ATP2B3: variants seen among roughly 807,000 people sequenced by gnomAD.
ATP2B3 encodes ATPase plasma membrane Ca2+ transporting 3.
ATP2B3 carries 12 observed loss-of-function variants against 70.8 expected under a neutral mutation model. The ratio of observed to expected loss-of-function variants is 0.17; its 90% CI spans 0.11 to 0.27. ATP2B3 has a LOEUF of 0.27. Among genes scored for constraint, ATP2B3 ranks in the 10% least tolerant of loss-of-function variants. The pLI is 1.00. For synonymous variants in ATP2B3, 460 were observed against 497.8 expected, an observed-to-expected ratio of 0.92 and a Z score of 1.01; for missense variants, 858 against 1,118.5, an observed-to-expected ratio of 0.77 and a Z score of 3.32.
chrX:153,534,110 G>A (rs1557002882), intron 2 of ATP2B3, among the ~76,000 whole-genome samples: 1 of 111,911 alleles, frequency 8.9e-6, no homozygotes, highest in African/African-American at 3.2e-5. Context: ...TGGTGGGATT[G>A]TTGAGGCATG....
chrX:153,549,394 C>T lies in ATP2B3; in HGVS notation c.1339-103C>T, dbSNP rs1230881282. On this transcript the variant is annotated intron_variant, in intron 10 of 21. Coordinates refer to ENST00000263519, the MANE Select transcript of ATP2B3 (RefSeq NM_001001344.3). ...AGTGGGCTTAGTGCCACACGTGGAG[C>T]TAGCTGAGCAGAACAGAGTCACGCG... is the stretch of plus-strand genomic sequence containing the variant. 5 of 1,171,641 alleles carry T rather than the reference C, an allele frequency of 4.3e-6. No homozygotes were observed. The East Asian group carries it at 1.5e-4, about 35-fold the overall frequency.
chrX:153,579,716 C>T (rs112553550), intron 21 of ATP2B3, among the ~76,000 whole-genome samples: 1,618 of 111,171 alleles, frequency 0.015, 30 homozygotes, highest in African/African-American at 0.051. Context: ...GATCGGTTGA[C>T]GAGACCAAGG....
chrX:153,565,395 G>A (rs1225087761), intron 21 of ATP2B3, among the ~76,000 whole-genome samples: 2 of 113,155 alleles, frequency 1.8e-5, no homozygotes, highest in African/African-American at 6.4e-5. Flanking sequence ...AGAGGCACAG[G>A]CCAGCACCGT....
intron 11 of ATP2B3, 22 bp downstream of exon 11, chrX:153,549,761 C>A (rs782584814): frequency 8.4e-7 from 1 of 1,193,131 alleles, no homozygotes; most frequent in Non-Finnish European, 1.1e-6. Context: ...CAGGAGCGGG[C>A]GGGCAGGGCC....
At chrX:153,564,299 G>A (rs1002040241) in intron 20 of ATP2B3, among the ~76,000 whole-genome samples, 8 of 112,905 alleles carry the variant, frequency 7.1e-5, no homozygotes, top group African/African-American at 2.6e-4. Flanking sequence ...GTCAACCAGG[G>A]CAGCTCACCC....
intron 15 of ATP2B3, 93 bp downstream of exon 15, chrX:153,556,511 G>A: frequency 6.4e-6 from 6 of 932,681 alleles, no homozygotes; most frequent in Non-Finnish European, 8.9e-6. Flanking sequence ...CAGGTCCCCA[G>A]GGCCTGCCTA....
At chrX:153,569,475 G>T (rs1234120523) in intron 21 of ATP2B3, 1 of 791,471 alleles carries the variant, frequency 1.3e-6, no homozygotes. Context: ...AGTGAGCGGG[G>T]TGACCCGATG....
Position 153,547,858 on chromosome X carries a change from G to T in ATP2B3, c.982G>T (p.Ala328Ser), listed in dbSNP as rs781995509. 3 of 1,208,829 alleles carry T rather than the reference G, an allele frequency of 2.5e-6. No individual in the cohort carries two copies. In the East Asian group the frequency reaches 8.9e-5, roughly 36 times the overall value. ...AGCTAAGAAGCAGGATGGTGCAGTG[G>T]CCATGGAGATGCAGCCCCTGAAGAG... ...TKAKKQDGAV[A>S]MEMQPLKSAE... Residue 328 changes from alanine to serine, a missense_variant, in exon 9 of 22, where the codon GCC becomes TCC. Physicochemically the swap from Ala to Ser is moderately conservative, Grantham distance 99. This residue lies in a region of ATP2B3 where 278 missense variants were observed against 366.2 expected (regional missense o/e 0.76). Transcript: ENST00000263519.
chrX:153,536,659 G>T (rs781846823), intron 3 of ATP2B3, among the ~76,000 whole-genome samples: 91 of 112,296 alleles, frequency 8.1e-4, no homozygotes, highest in African/African-American at 2.8e-3. Flanking sequence ...GGAGTTCTCC[G>T]CTCTATAGAG....
intron 16 of ATP2B3, among the ~76,000 whole-genome samples, chrX:153,557,791 G>A (rs782041145): frequency 3.5e-4 from 39 of 110,303 alleles, no homozygotes; most frequent in Admixed American, 6.7e-4. Context: ...AACAGACCAC[G>A]CTGCTTGGTG....
At chrX:153,566,028 C>T (rs1400121336) in intron 21 of ATP2B3, among the ~76,000 whole-genome samples, 1 of 112,359 alleles carries the variant, frequency 8.9e-6, no homozygotes, top group African/African-American at 3.2e-5. Flanking sequence ...AAATCCTGGC[C>T]GGGGAGGAAG....
At chrX:153,567,835 G>T (rs2090732671) in intron 21 of ATP2B3, among the ~76,000 whole-genome samples, 1 of 112,421 alleles carries the variant, frequency 8.9e-6, no homozygotes, top group African/African-American at 3.2e-5. Context: ...CTTTGACTTT[G>T]TCACATCCAA....
intron 15 of ATP2B3, among the ~76,000 whole-genome samples, 193 bp downstream of exon 15, chrX:153,556,611 T>C (rs1287970481): frequency 3.6e-5 from 4 of 111,797 alleles, no homozygotes; most frequent in South Asian, 3.8e-4. Context: ...AGTGACTCAC[T>C]CCAAGTCACA....
At chrX:153,547,778 T>C in intron 8 of ATP2B3, 57 bp from the exon 9 acceptor site, 1 of 1,112,551 alleles carries the variant, frequency 9.0e-7, no homozygotes, top group Non-Finnish European at 1.2e-6. Context: ...AAGCCCCTTA[T>C]AACGCCTTCT....
rs782820618 is a variant in ATP2B3 at position 153,580,367 on chromosome X, C to A, written c.*69C>A. On this transcript the variant is annotated 3_prime_UTR_variant, in exon 22 of 22. Coordinates refer to ENST00000263519, the MANE Select transcript of ATP2B3 (RefSeq NM_001001344.3). ...ACACGAAGTCACACGCACACATGCA[C>A]GCACACACACATATGGGGACCTGCA... The A allele has an allele frequency of 2.0e-6, 2 of 1,011,270 alleles. No homozygotes were observed. Among genetic ancestry groups the A allele is most frequent in the Non-Finnish European group, 2.7e-6 (2 of 738,462 alleles). The allele number at this position is 1,011,270 out of a possible 1,213,427, so 83.3% of individuals were successfully genotyped here.
intron 2 of ATP2B3, among the ~76,000 whole-genome samples, chrX:153,534,856 G>A (rs1309387420): frequency 3.5e-5 from 4 of 113,344 alleles, no homozygotes; most frequent in African/African-American, 1.3e-4. Flanking sequence ...GGCCTCTCCT[G>A]AGAATAAGGC....
chrX:153,528,733 T>A (rs1284720241), intron 2 of ATP2B3, among the ~76,000 whole-genome samples: 1 of 112,342 alleles, frequency 8.9e-6, no homozygotes, highest in African/African-American at 3.2e-5. Flanking sequence ...ATACATGGAC[T>A]CCATGTGCAA....
intron 12 of ATP2B3, among the ~76,000 whole-genome samples, chrX:153,551,408 T>C (rs1275861744): frequency 8.9e-6 from 1 of 111,950 alleles, no homozygotes; most frequent in African/African-American, 3.3e-5. Flanking sequence ...CATTGCTGAG[T>C]TGGGTTGTTT....
At chrX:153,568,075 G>A (rs1485100294) in intron 21 of ATP2B3, among the ~76,000 whole-genome samples, 1 of 111,733 alleles carries the variant, frequency 8.9e-6, no homozygotes, top group African/African-American at 3.3e-5. Flanking sequence ...TTTGGAGGCC[G>A]GCACAAGCTT....
Sources: allele counts gnomAD v4.1 joint callset (sites outside exome capture counted in the v4.1 genomes callset), GRCh38; gene constraint gnomAD v4.1.1; regional missense constraint gnomAD v4.1.1; transcripts MANE v1.5; gene names NCBI Gene and HGNC (gene_info 2026-07-23, HGNC 2026-07-21).